The following CR1L variants were observed in gnomAD, a reference collection of about 807,000 sequenced individuals.
The protein encoded by CR1L is complement component receptor 1-like protein.
CR1L carries 59 observed loss-of-function variants against 62.3 expected under a neutral mutation model. That is an observed-to-expected ratio of 0.95 (90% CI 0.77 to 1.18). The LOEUF is 1.18. CR1L is among the 50% of genes most tolerant of loss of function. CR1L has a pLI of 0.00. For missense variants in CR1L, 700 were observed against 702.8 expected (o/e 1.00, Z 0.04); for synonymous variants, 279 against 248.7 (o/e 1.12, Z -1.15).
At chr1:207,649,286 G>A (rs555526196) in intron 1 of CR1L, among the ~76,000 whole-genome samples, 18 of 152,288 alleles carry the variant, frequency 1.2e-4, no homozygotes, top group Admixed American at 5.9e-4. Context: ...CTGCTGGACT[G>A]CCAAGCTATT....
chr1:207,648,733 G>A (rs6666431), intron 1 of CR1L, among the ~76,000 whole-genome samples: 71,977 of 151,982 alleles, frequency 0.47, 17,584 homozygotes, highest in African/African-American at 0.59. Flanking sequence ...GCCAAGACCA[G>A]TAAGTTCTTA....
chr1:207,708,939 A>T (rs1490117966), intron 10 of CR1L: 1 of 360,058 alleles, frequency 2.8e-6, no homozygotes, highest in Non-Finnish European at 5.5e-6. Flanking sequence ...TTCTTCCAAG[A>T]TCAGATGAAA....
intron 1 of CR1L, among the ~76,000 whole-genome samples, chr1:207,658,030 T>C (rs1451364130): frequency 6.6e-6 from 1 of 152,098 alleles, no homozygotes; most frequent in African/African-American, 2.4e-5. Flanking sequence ...TCCTAAATAA[T>C]CCATGCATAA....
At chr1:207,710,457 G>A (rs979424765) in intron 10 of CR1L, 1 of 1,593,468 alleles carries the variant, frequency 6.3e-7, no homozygotes, top group African/African-American at 1.3e-5. Flanking sequence ...TTTCACTATG[G>A]ATCAGTGGTG....
At position 207,694,573 on chromosome 1, in the gene CR1L, C is replaced by T. The variant is rs771026698; in HGVS notation, c.684C>T (p.Asn228=). ...CAGCCCCTCAGTGCATTATACCTAA[C>T]AAATGCACGCCTCCAAATGTGGAAA... The part of the protein sequence containing the change: ...SGPAPQCIIP[N]KCTPPNVENG... Residue 228 remains asparagine (N), a synonymous_variant, in exon 5 of 12, where the codon AAC becomes AAT. Coordinates refer to ENST00000508064, the MANE Select transcript of CR1L (RefSeq NM_175710.2). The T allele has an allele frequency of 6.2e-7, 1 of 1,612,198 alleles. No homozygotes were observed. The highest frequency in any genetic ancestry group is 1.1e-5 in the South Asian group (1 of 91,008).
At chr1:207,712,224 G>A (rs909772717) in intron 10 of CR1L, among the ~76,000 whole-genome samples, 1 of 152,214 alleles carries the variant, frequency 6.6e-6, no homozygotes, top group Non-Finnish European at 1.5e-5. Context: ...GGGGAAATCT[G>A]TAAAACAGAC....
intron 10 of CR1L, among the ~76,000 whole-genome samples, chr1:207,713,086 G>A (rs977612129): frequency 1.3e-5 from 2 of 152,104 alleles, no homozygotes; most frequent in African/African-American, 4.8e-5. Flanking sequence ...ATAAGGGTAG[G>A]GACTAAGTGG....
chr1:207,706,535 T>C (rs2102476128), intron 9 of CR1L, among the ~76,000 whole-genome samples: 1 of 152,202 alleles, frequency 6.6e-6, no homozygotes, highest in East Asian at 1.9e-4. Flanking sequence ...ACTAGGGAAA[T>C]TTCTGTGTTT....
intron 10 of CR1L, among the ~76,000 whole-genome samples, chr1:207,713,597 C>T (rs1337906653): frequency 1.3e-5 from 2 of 152,234 alleles, no homozygotes; most frequent in Admixed American, 1.3e-4. Context: ...CGACTACATG[C>T]TCAGCCTCTG....
At chr1:207,660,224 T>C (rs892113562) in intron 1 of CR1L, among the ~76,000 whole-genome samples, 1 of 152,222 alleles carries the variant, frequency 6.6e-6, no homozygotes, top group Non-Finnish European at 1.5e-5. Flanking sequence ...CCTCCCCAAG[T>C]GGGTCCCTGA....
At chr1:207,722,438 A>C (rs1654158215) in intron 11 of CR1L, among the ~76,000 whole-genome samples, 1 of 141,648 alleles carries the variant, frequency 7.1e-6, no homozygotes, top group African/African-American at 2.6e-5. Flanking sequence ...AGCACCATTT[A>C]TTAAATAGGG....
At chr1:207,652,399 C>T in intron 1 of CR1L, 1 of 605,714 alleles carries the variant, frequency 1.7e-6, no homozygotes, top group Non-Finnish European at 3.0e-6. Flanking sequence ...CTACTACCAG[C>T]ACTCAGGTAA....
In CR1L at chr1:207,694,463, A is replaced by C; in HGVS notation, c.574A>C (p.Arg192=). Reference sequence around the variant, plus strand: ...GACCTACCACTGCAATCTTGGAAGCAGAGGGAAAAAGGTGTTTGAGCTTGT... The same window carrying C: ...GACCTACCACTGCAATCTTGGAAGCCGAGGGAAAAAGGTGTTTGAGCTTGT... The part of the protein sequence containing the change: ...VVTYHCNLGS[R]GKKVFELVGE... Residue 192 remains arginine (R), a synonymous_variant, in exon 5 of 12, where the codon AGA becomes CGA. Coordinates refer to ENST00000508064, the MANE Select transcript of CR1L (RefSeq NM_175710.2). The C allele has an allele frequency of 6.2e-7, 1 of 1,613,942 alleles. No homozygotes were observed. Among genetic ancestry groups the C allele is most frequent in the African/African-American group, 1.3e-5 (1 of 75,048 alleles).
intron 10 of CR1L, among the ~76,000 whole-genome samples, chr1:207,713,377 C>T (rs1217414055): frequency 6.6e-6 from 1 of 152,204 alleles, no homozygotes; most frequent in African/African-American, 2.4e-5. Context: ...TATGTTTTAA[C>T]CCAATTACAT....
At chr1:207,704,217 G>A (rs974423165) in intron 9 of CR1L, among the ~76,000 whole-genome samples, 2 of 152,218 alleles carry the variant, frequency 1.3e-5, no homozygotes, top group African/African-American at 2.4e-5. Context: ...GGAAATAATT[G>A]CAGATGTGAC....
At position 207,678,293 on chromosome 1, in the gene CR1L, A is replaced by T. The variant is rs771534302; in HGVS notation, c.373A>T (p.Lys125Ter). 3.1e-6 allele frequency: 5 copies of T among 1,612,646 alleles called. No individual in the cohort carries two copies. Among genetic ancestry groups the T allele is most frequent in the Admixed American group, 3.3e-5 (2 of 60,016 alleles). The change falls in exon 3 of 12, where the codon AAA becomes TAA. Residue 125 changes from lysine (K) to a stop codon, truncating the protein, a stop_gained. Coordinates refer to ENST00000508064, the MANE Select transcript of CR1L (RefSeq NM_175710.2). LOFTEE classifies it high-confidence loss of function. ...ATCCCAAATTAAATATTCTTGTCCT[A>T]AAGGGTGAGTTGGCATCTCTTGAAC... ...FRSQIKYSCPKGYRLIGSSSA... is the reference protein window; with the variant it reads ...FRSQIKYSCP
In CR1L at chr1:207,717,509, C is replaced by T. The variant is rs1228296996; in HGVS notation, c.1460C>T (p.Thr487Ile). The change falls in exon 11 of 12, where the codon ACA becomes ATA. Residue 487 changes from threonine to isoleucine, a missense_variant. Thr to Ile is a moderately conservative substitution (Grantham distance 89, BLOSUM62 -1). Transcript: ENST00000508064. ...CCAGCTATCCTTAATGGGAGACACA[C>T]AGGAACTCCCCTTGGAGATATTCCC... ...NPPAILNGRH[T>I]GTPLGDIPYG... The T allele has an allele frequency of 6.2e-7, 1 of 1,613,766 alleles. No homozygotes were observed.
chr1:207,697,742 T>G (rs371632603), intron 6 of CR1L, 29 bp from the exon 7 acceptor site: 20 of 1,613,926 alleles, frequency 1.2e-5, no homozygotes, highest in African/African-American at 6.7e-5. Flanking sequence ...ACATGCCAGT[T>G]ATTTCTGTTC....
At chr1:207,692,293 C>G (rs981857257) in intron 4 of CR1L, among the ~76,000 whole-genome samples, 1 of 152,164 alleles carries the variant, frequency 6.6e-6, no homozygotes, top group African/African-American at 2.4e-5. Flanking sequence ...ATATTTACAC[C>G]GTAGTGAATT....
Sources: allele counts gnomAD v4.1 joint callset (sites outside exome capture counted in the v4.1 genomes callset), GRCh38; gene constraint gnomAD v4.1.1; transcripts MANE v1.5; gene names NCBI Gene and HGNC (gene_info 2026-07-23, HGNC 2026-07-21).